ACTL6A: variants seen among roughly 807,000 people sequenced by gnomAD.
ACTL6A encodes actin-like protein 6A.
Under a neutral mutation model 59.2 loss-of-function variants are expected in ACTL6A, and 5 were observed. The observed-to-expected ratio is 0.08, with a 90% CI of 0.04 to 0.18. The LOEUF is 0.18. Ranked by LOEUF, ACTL6A falls within the 10% of genes least tolerant of loss-of-function variation. The pLI is 1.00. For synonymous variants in ACTL6A, 154 were observed against 171.8 expected, an observed-to-expected ratio of 0.90 and a Z score of 0.81; for missense variants, 285 against 526.9, an observed-to-expected ratio of 0.54 and a Z score of 4.49.
intron 1 of ACTL6A, among the ~76,000 whole-genome samples, chr3:179,563,928 T>G (rs200927582): frequency 6.6e-6 from 1 of 152,154 alleles, no homozygotes; most frequent in East Asian, 1.9e-4. Context: ...ATTAAGCGCT[T>G]TGGTCTTGGG....
intron 3 of ACTL6A, among the ~76,000 whole-genome samples, chr3:179,571,259 T>A (rs1360645791): frequency 6.6e-6 from 1 of 151,966 alleles, no homozygotes; most frequent in Non-Finnish European, 1.5e-5. Context: ...CCATCTCTAC[T>A]AAAAATACAA....
rs1718571665 is a variant in ACTL6A at position 179,588,231 on chromosome 3, AAATG to A, written c.*222_*225del. The A allele has an allele frequency of 2.4e-6, 1 of 414,276 alleles. No homozygotes were observed. Among genetic ancestry groups the A allele is most frequent in the African/African-American group, 2.1e-5 (1 of 48,138 alleles). The allele number at this position is 414,276 out of a possible 1,614,324, so 25.7% of individuals were successfully genotyped here. ...TTACAAGCATTTTATAATTTTGTATAAATGTCTATTTTCTCTAAATATTTTGCTT... is the reference window on the plus strand; with the variant it reads ...TTACAAGCATTTTATAATTTTGTATATCTATTTTCTCTAAATATTTTGCTT... On this transcript the variant is annotated 3_prime_UTR_variant, in exon 14 of 14. Transcript: ENST00000429709.
intron 1 of ACTL6A, among the ~76,000 whole-genome samples, chr3:179,569,335 C>CATA (rs1273441555): frequency 1.1e-4 from 16 of 152,190 alleles, no homozygotes; most frequent in Non-Finnish European, 1.5e-5. Context: ...CATTATAGTA[C>CATA]TGGGGTACTG....
chr3:179,564,749 A>G (rs1188532197), intron 1 of ACTL6A, among the ~76,000 whole-genome samples: 5 of 152,320 alleles, frequency 3.3e-5, no homozygotes, highest in East Asian at 3.9e-4. Context: ...AGTACTTGCT[A>G]TGTGGCAGGT....
At chr3:179,587,874 A>G (rs2108374925) in intron 13 of ACTL6A, 56 bp from the exon 14 acceptor site, 3 of 1,502,024 alleles carry the variant, frequency 2.0e-6, no homozygotes, top group Non-Finnish European at 2.7e-6. Context: ...AAATTTTTTA[A>G]GCCATTTCTA....
intron 3 of ACTL6A, among the ~76,000 whole-genome samples, chr3:179,571,611 G>A (rs2108358363): frequency 1.3e-5 from 2 of 152,302 alleles, no homozygotes; most frequent in East Asian, 3.9e-4. Flanking sequence ...GGATGATGAA[G>A]TCCAGATACA....
At chr3:179,564,818 A>G (rs980912802) in intron 1 of ACTL6A, among the ~76,000 whole-genome samples, 1 of 151,838 alleles carries the variant, frequency 6.6e-6, no homozygotes, top group African/African-American at 2.4e-5. Context: ...GTAAATAGAC[A>G]CCGTATTTCA....
intron 5 of ACTL6A, 85 bp downstream of exon 5, chr3:179,574,552 A>T (rs772787385): frequency 3.1e-5 from 30 of 957,452 alleles, no homozygotes; most frequent in Non-Finnish European, 4.3e-5. Context: ...ACATACGCCA[A>T]TTATTGCTTG....
chr3:179,581,078 T>C, intron 10 of ACTL6A, 62 bp from the exon 11 acceptor site: 1 of 1,600,932 alleles, frequency 6.2e-7, no homozygotes, highest in Non-Finnish European at 8.6e-7. Flanking sequence ...GGCTAAAATG[T>C]TTTGGATATG....
chr3:179,583,316 A>G, intron 11 of ACTL6A, 37 bp from the exon 12 acceptor site: 2 of 1,505,852 alleles, frequency 1.3e-6, no homozygotes, highest in East Asian at 2.3e-5. Context: ...TTGGAAACAT[A>G]TGGAACTAAT....
intron 1 of ACTL6A, 144 bp downstream of exon 1, chr3:179,563,261 C>A: frequency 7.4e-7 from 1 of 1,351,854 alleles, no homozygotes; most frequent in Non-Finnish European, 9.9e-7. Flanking sequence ...CCCCGCCCCA[C>A]GCTCTGCCCG....
intron 5 of ACTL6A, among the ~76,000 whole-genome samples, chr3:179,575,929 T>A (rs939296111): frequency 6.6e-6 from 1 of 152,232 alleles, no homozygotes; most frequent in Non-Finnish European, 1.5e-5. Flanking sequence ...CCAGAGACTT[T>A]TAGTGATTGT....
intron 13 of ACTL6A, among the ~76,000 whole-genome samples, chr3:179,587,682 T>C (rs73048727): frequency 0.09 from 13,686 of 152,050 alleles, 662 homozygotes; most frequent in South Asian, 0.17. Flanking sequence ...GAGACCAGCC[T>C]GGGCAACATA....
chr3:179,579,013 G>T (rs369628116), intron 8 of ACTL6A, among the ~76,000 whole-genome samples: 4 of 152,158 alleles, frequency 2.6e-5, no homozygotes, highest in Non-Finnish European at 4.4e-5. Flanking sequence ...AAAGTGCTGG[G>T]ATTACAGGCG....
chr3:179,577,466 G>A (rs921017207), intron 8 of ACTL6A, among the ~76,000 whole-genome samples: 7 of 151,746 alleles, frequency 4.6e-5, no homozygotes, highest in South Asian at 2.1e-4. Flanking sequence ...CCACAGATAC[G>A]CCTTAATTTC....
rs925130488 is a variant in ACTL6A at position 179,563,017 on chromosome 3, T to G, written c.-76T>G. 4.4e-6 allele frequency: 7 copies of G among 1,579,862 alleles called. No individual in the cohort carries two copies. In the African/African-American group the frequency reaches 9.4e-5, roughly 21 times the overall value. On this transcript the variant is annotated 5_prime_UTR_variant, in exon 1 of 14. Coordinates refer to ENST00000429709, the MANE Select transcript of ACTL6A (RefSeq NM_004301.5). ...TAAGGGAGTCAGGGGCTATCGCTCC[T>G]CGAGACTCGCAGTCGCGGCCACTGC...
intron 12 of ACTL6A, 37 bp from the exon 13 acceptor site, chr3:179,586,509 A>C: frequency 1.4e-6 from 2 of 1,405,764 alleles, no homozygotes; most frequent in South Asian, 2.8e-5. Context: ...TTGAGTCACA[A>C]GATTTGATTG....
At chr3:179,578,086 G>A (rs1718223690) in intron 8 of ACTL6A, among the ~76,000 whole-genome samples, 1 of 152,158 alleles carries the variant, frequency 6.6e-6, no homozygotes, top group Non-Finnish European at 1.5e-5. Flanking sequence ...TGAGGTGGGT[G>A]GATCCCTTGA....
intron 4 of ACTL6A, 123 bp from the exon 5 acceptor site, chr3:179,574,247 C>T: frequency 4.1e-6 from 2 of 484,538 alleles, no homozygotes; most frequent in Non-Finnish European, 3.7e-6. Flanking sequence ...GATGATTTCC[C>T]ATGGTATTTT....
Sources: gnomAD v4.1 joint callset for allele counts (sites outside exome capture counted in the v4.1 genomes callset) on GRCh38, gnomAD v4.1.1 for gene constraint, MANE v1.5 for transcripts, NCBI Gene and HGNC (gene_info 2026-07-23, HGNC 2026-07-21) for gene names.